CACNB4: variants seen among roughly 807,000 people sequenced by gnomAD.
CACNB4 encodes calcium voltage-gated channel auxiliary subunit beta 4, also known as voltage-dependent L-type calcium channel subunit beta-4.
A neutral mutation model predicts 71.2 loss-of-function variants in CACNB4; 32 were observed. That is an observed-to-expected ratio of 0.45 (90% CI 0.34 to 0.60). The LOEUF (loss-of-function observed/expected upper bound fraction) is 0.60. Among genes scored for constraint, CACNB4 ranks in the 20% least tolerant of loss-of-function variants. The pLI, the probability that CACNB4 is intolerant of heterozygous loss-of-function variation, is 0.01. For synonymous variants in CACNB4, 231 were observed against 236.9 expected, an observed-to-expected ratio of 0.97 and a Z score of 0.23; for missense variants, 464 against 647.9, an observed-to-expected ratio of 0.72 and a Z score of 3.08.
chr2:151,872,394 A>G (rs1399875443), intron 6 of CACNB4, 23 bp downstream of exon 6: 1 of 1,401,798 alleles, frequency 7.1e-7, no homozygotes, highest in East Asian at 2.3e-5. Flanking sequence ...GTGTATGAAA[A>G]AGAGTTTAAC....
In CACNB4 at chr2:151,861,272, C is replaced by G. The variant is rs182765678; in HGVS notation, c.759-452G>C. 303 of 157,050 alleles carry G rather than the reference C, an allele frequency of 1.9e-3. 1 individual carries two copies. The highest frequency in any genetic ancestry group is 9.3e-3 in the Middle Eastern group (3 of 322). The allele number at this position is 157,050 out of a possible 1,614,324, so 9.7% of individuals were successfully genotyped here. A position where few individuals can be genotyped will look rare whatever the true frequency, so the allele number is the denominator to read the frequency against. On this transcript the variant is annotated intron_variant, in intron 9 of 13. Transcript: ENST00000539935. ...ATGCCAGTCAAAGCTGGGAAACCCT[C>G]TTCATTTTGATTATCAAAGACAATC...
intron 2 of CACNB4, among the ~76,000 whole-genome samples, chr2:152,081,700 C>T (rs747042113): frequency 3.9e-5 from 6 of 152,048 alleles, no homozygotes; most frequent in African/African-American, 1.2e-4. Context: ...TCCCAAAGGC[C>T]GCACCTCCAA....
chr2:151,916,534 T>G (rs987844647), intron 2 of CACNB4, among the ~76,000 whole-genome samples: 12 of 152,184 alleles, frequency 7.9e-5, no homozygotes, highest in Non-Finnish European at 1.6e-4. Context: ...AGTTTTAAAA[T>G]AGTCGACTGA....
At chr2:151,905,327 C>A (rs745848102) in intron 2 of CACNB4, among the ~76,000 whole-genome samples, 14 of 152,184 alleles carry the variant, frequency 9.2e-5, no homozygotes, top group Non-Finnish European at 1.8e-4. Context: ...TTTCTCACAT[C>A]GTACAGATAA....
At chr2:151,865,664 C>T (rs1414532246) in intron 9 of CACNB4, 1 of 152,204 alleles carries the variant, frequency 6.6e-6, no homozygotes, top group African/African-American at 2.4e-5. Flanking sequence ...GCTCCATGCC[C>T]ATTGTGTATC....
intron 2 of CACNB4, among the ~76,000 whole-genome samples, chr2:151,951,904 A>G (rs2099866990): frequency 6.6e-6 from 1 of 152,182 alleles, no homozygotes; most frequent in South Asian, 2.1e-4. Context: ...GAACTGAAAA[A>G]GGGCTTTGTA....
chr2:151,876,141 T>C (rs1258053047), intron 5 of CACNB4, among the ~76,000 whole-genome samples: 1 of 151,974 alleles, frequency 6.6e-6, no homozygotes, highest in Non-Finnish European at 1.5e-5. Flanking sequence ...ACTCACTGTG[T>C]GGAGAAAGAA....
intron 2 of CACNB4, among the ~76,000 whole-genome samples, chr2:151,981,278 G>C (rs2099874677): frequency 6.6e-6 from 1 of 152,180 alleles, no homozygotes; most frequent in African/African-American, 2.4e-5. Flanking sequence ...TATTGGTTAA[G>C]GAACTGAACA....
At chr2:152,009,586 C>T (rs1432347555) in intron 2 of CACNB4, among the ~76,000 whole-genome samples, 2 of 152,160 alleles carry the variant, frequency 1.3e-5, no homozygotes, top group Non-Finnish European at 1.5e-5. Context: ...AACTCTGAAA[C>T]ACAAAGTTTA....
intron 2 of CACNB4, among the ~76,000 whole-genome samples, chr2:152,095,998 A>AT (rs1282048773): frequency 6.6e-6 from 1 of 152,128 alleles, no homozygotes; most frequent in Non-Finnish European, 1.5e-5. Context: ...CATAAAAAAT[A>AT]TTTTTTGGCA....
intron 11 of CACNB4, 32 bp from the exon 12 acceptor site, chr2:151,853,575 G>A (rs1273799282): frequency 1.6e-6 from 2 of 1,248,614 alleles, no homozygotes; most frequent in South Asian, 1.4e-5. Flanking sequence ...CTGAGGTATT[G>A]TAGATGAGTT....
chr2:152,098,579 C>CCCCCCCCCCCCA lies in CACNB4; in HGVS notation c.64-167_64-166insTGGGGGGGGGGG. 2.1e-6 allele frequency: 2 copies of CCCCCCCCCCCCA among 943,714 alleles called. No individual in the cohort carries two copies. Among genetic ancestry groups the CCCCCCCCCCCCA allele is most frequent in the Non-Finnish European group, 3.4e-6 (2 of 591,326 alleles). The allele number at this position is 943,714 out of a possible 1,614,324, so 58.5% of individuals were successfully genotyped here. On this transcript the variant is annotated intron_variant, in intron 1 of 13. Transcript: ENST00000539935. The surrounding 1 kb of genome is among the most constrained non-coding windows in gnomAD (Gnocchi z 5.3). ...CCCAAATACAGCCCCCACCCCCACC[C>CCCCCCCCCCCCA]ACCCACTGCAAGCCTCGACTGCTGA...
chr2:151,924,549 G>GCA (rs2099859768), intron 2 of CACNB4, among the ~76,000 whole-genome samples: 1 of 150,856 alleles, frequency 6.6e-6, no homozygotes, highest in East Asian at 1.9e-4. Flanking sequence ...GGCTGCTATA[G>GCA]TATATATATA....
Position 152,099,017 on chromosome 2 carries a change from A to T in CACNB4, c.-6T>A. On this transcript the variant is annotated 5_prime_UTR_variant, in exon 1 of 14. An upstream open reading frame in the 5' UTR loses its in-frame stop. Transcript: ENST00000539935. ...GCGTAGGAGGAGGAGGACATCGTTC[A>T]GAGCCGCCGCATGGCCAGCCCGTGT... 1.3e-6 allele frequency: 2 copies of T among 1,523,160 alleles called. No individual in the cohort carries two copies. The highest frequency in any genetic ancestry group is 1.8e-6 in the Non-Finnish European group (2 of 1,138,478). The allele number at this position is 1,523,160 out of a possible 1,614,324, so 94.4% of individuals were successfully genotyped here.
chr2:151,880,380 A>C, intron 4 of CACNB4: 1 of 195,066 alleles, frequency 5.1e-6, no homozygotes. Context: ...TTCCATAGTC[A>C]AGGTGCACAG....
At chr2:152,057,632 C>T (rs115674003) in intron 2 of CACNB4, among the ~76,000 whole-genome samples, 2,585 of 152,252 alleles carry the variant, frequency 0.017, 82 homozygotes, top group African/African-American at 0.06. Context: ...CACTCCCCTT[C>T]TATTCCATGA....
intron 2 of CACNB4, among the ~76,000 whole-genome samples, chr2:152,065,750 A>G (rs1686280954): frequency 6.6e-6 from 1 of 152,056 alleles, no homozygotes; most frequent in African/African-American, 2.4e-5. Flanking sequence ...ATCTTTATGT[A>G]AGGGGGTAAT....
chr2:151,882,181 CTTTTTTT>C (rs35206904), intron 3 of CACNB4, among the ~76,000 whole-genome samples: 9 of 50,834 alleles, frequency 1.8e-4, no homozygotes, highest in African/African-American at 4.7e-4. Context: ...ACCGGCCCCT[CTTTTTTT>C]TTTTTTTTTT....
chr2:152,044,158 G>A (rs1367354141), intron 2 of CACNB4, among the ~76,000 whole-genome samples: 2 of 152,178 alleles, frequency 1.3e-5, no homozygotes, highest in African/African-American at 4.8e-5. Flanking sequence ...GAAGCATGGA[G>A]AATATCTAAG....
Sources: allele counts gnomAD v4.1 joint callset (sites outside exome capture counted in the v4.1 genomes callset), GRCh38; gene constraint gnomAD v4.1.1; non-coding constraint Gnocchi (gnomAD v3.1); transcripts MANE v1.5; gene names NCBI Gene and HGNC (gene_info 2026-07-23, HGNC 2026-07-21).